Variants in LAP3 observed in about 807,000 individuals in gnomAD.
LAP3 encodes the protein leucine aminopeptidase 3.
Under a neutral mutation model 58.8 loss-of-function variants are expected in LAP3, and 46 were observed. That is an observed-to-expected ratio of 0.78 (90% CI 0.62 to 1.00). LAP3 has a LOEUF of 1.00. Ranked by LOEUF, LAP3 falls within the 50% of genes least tolerant of loss-of-function variation. LAP3 has a pLI of 0.00. For synonymous variants in LAP3, 257 were observed against 237.7 expected, an observed-to-expected ratio of 1.08 and a Z score of -0.75; for missense variants, 615 against 659.1, an observed-to-expected ratio of 0.93 and a Z score of 0.73.
intron 2 of LAP3, among the ~76,000 whole-genome samples, chr4:17,580,474 C>T (rs750835580): frequency 2.6e-5 from 4 of 151,712 alleles, no homozygotes; most frequent in Admixed American, 6.6e-5. Flanking sequence ...AGGCCATTTC[C>T]AGCCCAATCA....
chr4:17,582,004 C>T, intron 3 of LAP3, 190 bp downstream of exon 3: 1 of 603,866 alleles, frequency 1.7e-6, no homozygotes, highest in Non-Finnish European at 2.9e-6. Context: ...ATTCCTCAAT[C>T]TGAAGGCTTT....
chr4:17,585,613 G>T (rs894254420), intron 6 of LAP3, among the ~76,000 whole-genome samples: 3 of 151,860 alleles, frequency 2.0e-5, no homozygotes, highest in African/African-American at 7.3e-5. Flanking sequence ...TGTAGAGATG[G>T]GTCTCCCGCT....
intron 10 of LAP3, among the ~76,000 whole-genome samples, chr4:17,603,826 CTTTCTTTCTTTTTT>C (rs1714041736): frequency 7.2e-6 from 1 of 138,294 alleles, no homozygotes; most frequent in Admixed American, 7.1e-5. Context: ...TTTTTTTTTT[CTTTCTTTCTTTTTT>C]TTTTGAGACA....
Position 17,597,108 on chromosome 4 carries a change from A to G in LAP3, c.1051A>G (p.Arg351Gly), listed in dbSNP as rs773248862. Residue 351 changes from arginine to glycine, a missense_variant, in exon 9 of 13, where the codon AGA (arginine) becomes GGA (glycine). Physicochemically the swap from Arg to Gly is moderately radical, Grantham distance 125 (BLOSUM62 -2). Coordinates refer to ENST00000226299, the MANE Select transcript of LAP3 (RefSeq NM_015907.3). ...GGCCAACAAGCCGGGGGATGTTGTT[A>G]GAGCCAAAAACGGGAAGACCATCCA... ...GKANKPGDVV[R>G]AKNGKTIQVD... The G allele has an allele frequency of 1.7e-5, 28 of 1,614,136 alleles. No homozygotes were observed. The highest frequency in any genetic ancestry group is 2.7e-5 in the African/African-American group (2 of 74,950).
intron 6 of LAP3, chr4:17,587,417 C>CTTG (rs869210844): frequency 6.9e-5 from 8 of 116,008 alleles, no homozygotes; most frequent in African/African-American, 2.9e-4. Context: ...ATTGCACAGC[C>CTTG]TTGTTGTTGT....
chr4:17,598,536 C>T lies in LAP3; in HGVS notation c.1158C>T (p.Ile386=). 1 of 1,613,886 alleles carries T rather than the reference C, an allele frequency of 6.2e-7. No individual in the cohort carries two copies. Among genetic ancestry groups the T allele is most frequent in the Non-Finnish European group, 8.5e-7 (1 of 1,179,764 alleles). Residue 386 remains isoleucine (I), a synonymous_variant, in exon 10 of 13, where the codon ATC becomes ATT. Coordinates refer to ENST00000226299, the MANE Select transcript of LAP3 (RefSeq NM_015907.3). ...CYAHTFNPKV[I]LNAATLTGAM... ...CACACACGTTTAACCCGAAGGTCAT[C>T]CTCAATGCCGCCACCTTAACAGGTC...
At chr4:17,603,821 TTTTTCTTTC>T (rs1379179660) in intron 10 of LAP3, among the ~76,000 whole-genome samples, 5 of 87,382 alleles carry the variant, frequency 5.7e-5, no homozygotes, top group Admixed American at 2.8e-4. Flanking sequence ...GCCTTTTTTT[TTTTTCTTTC>T]TTTCTTTTTT....
intron 10 of LAP3, among the ~76,000 whole-genome samples, chr4:17,599,442 A>G (rs2109023284): frequency 6.6e-6 from 1 of 152,274 alleles, no homozygotes; most frequent in South Asian, 2.1e-4. Flanking sequence ...AGGCTGAGGC[A>G]GGAGAATTGC....
intron 7 of LAP3, among the ~76,000 whole-genome samples, chr4:17,593,616 T>TTTTTTTG (rs1157279219): frequency 1.5e-5 from 2 of 136,190 alleles, no homozygotes; most frequent in Non-Finnish European, 3.1e-5. Flanking sequence ...TGGGTTTTTT[T>TTTTTTTG]TTTTTTTTTT....
chr4:17,581,291 C>G (rs192881650), intron 2 of LAP3, among the ~76,000 whole-genome samples: 3 of 152,196 alleles, frequency 2.0e-5, no homozygotes, highest in Admixed American at 1.3e-4. Flanking sequence ...GAGATTCATT[C>G]GGTTCAGCGT....
intron 4 of LAP3, chr4:17,582,643 C>T (rs1052503311): frequency 2.5e-5 from 9 of 356,190 alleles, no homozygotes; most frequent in Non-Finnish European, 4.7e-5. Flanking sequence ...CATTTGTTCG[C>T]TCTTGTCATA....
At chr4:17,607,271 G>A (rs970418113) in intron 12 of LAP3, 129 bp from the exon 13 acceptor site, 10 of 684,870 alleles carry the variant, frequency 1.5e-5, no homozygotes, top group Non-Finnish European at 2.2e-5. Flanking sequence ...CTGATATGTG[G>A]GTTAGCATCT....
chr4:17,579,752 T>G, intron 1 of LAP3, 72 bp from the exon 2 acceptor site: 1 of 744,078 alleles, frequency 1.3e-6, no homozygotes, highest in Non-Finnish European at 2.2e-6. Context: ...CTTCTGGAAT[T>G]TGGGGACTCC....
chr4:17,606,708 G>A (rs373193110), intron 11 of LAP3, 121 bp from the exon 12 acceptor site: 1 of 589,354 alleles, frequency 1.7e-6, no homozygotes, highest in East Asian at 2.8e-5. Context: ...CTATTTTCTA[G>A]TTTCATGTTT....
In LAP3 at chr4:17,597,816, A is replaced by G. The variant is rs2109022849; in HGVS notation, c.1078-640A>G. Among the ~76,000 whole-genome samples the G allele has an allele frequency of 2.0e-5, 3 of 152,294 alleles. No homozygotes were observed. The South Asian group carries it at 6.2e-4, about 32-fold the overall frequency. On this transcript the variant is annotated intron_variant, in intron 9 of 12. Transcript: ENST00000226299. ...GTTGAGGTAGAACATACTGTCCTAC[A>G]TCATGGGCCCTGCACTGAAGGGGAT...
chr4:17,595,575 T>C (rs1577223403), intron 8 of LAP3, 41 bp downstream of exon 8: 1 of 1,599,932 alleles, frequency 6.3e-7, no homozygotes. Flanking sequence ...CGCTTCTGGA[T>C]TCTAGCCAGG....
At chr4:17,597,511 T>C (rs1713861142) in intron 9 of LAP3, among the ~76,000 whole-genome samples, 1 of 152,188 alleles carries the variant, frequency 6.6e-6, no homozygotes, top group Non-Finnish European at 1.5e-5. Context: ...TCAAGTGATC[T>C]GCCCACCTTG....
chr4:17,579,692 G>T, intron 1 of LAP3, 132 bp from the exon 2 acceptor site: 1 of 510,918 alleles, frequency 2.0e-6, no homozygotes, highest in African/African-American at 2.0e-5. Context: ...TTCTTTTTTT[G>T]CTTTCTTCTG....
chr4:17,598,262 G>A (rs531397947), intron 9 of LAP3, among the ~76,000 whole-genome samples, 194 bp from the exon 10 acceptor site: 14 of 152,232 alleles, frequency 9.2e-5, no homozygotes, highest in African/African-American at 3.4e-4. Flanking sequence ...ACCTCCCAAG[G>A]TGCTGGGGGA....
Sources: gnomAD v4.1 joint callset for allele counts (sites outside exome capture counted in the v4.1 genomes callset) on GRCh38, gnomAD v4.1.1 for gene constraint, MANE v1.5 for transcripts, NCBI Gene and HGNC (gene_info 2026-07-23, HGNC 2026-07-21) for gene names.